The following UTRN variants were observed in gnomAD, a reference collection of about 807,000 sequenced individuals.
The protein encoded by UTRN is utrophin.
In UTRN, 283 loss-of-function variants were observed where a neutral mutation model predicts 463.9. The observed-to-expected ratio is 0.61, with a 90% CI of 0.55 to 0.67. UTRN has a LOEUF of 0.67. UTRN is among the 30% of genes least tolerant of loss of function. The pLI, the probability that UTRN is intolerant of heterozygous loss-of-function variation, is 0.00. For missense variants in UTRN, 3,922 were observed against 4,084.3 expected, an observed-to-expected ratio of 0.96 and a Z score of 1.08; for synonymous variants, 1,442 against 1,431.5, an observed-to-expected ratio of 1.01 and a Z score of -0.17.
chr6:144,718,368 G>T (rs1469594799), intron 53 of UTRN, among the ~76,000 whole-genome samples: 1 of 152,176 alleles, frequency 6.6e-6, no homozygotes, highest in African/African-American at 2.4e-5. Context: ...TACTTAAGAG[G>T]CTGAGGCAGA....
At chr6:144,638,982 G>A (rs1167659486) in intron 51 of UTRN, among the ~76,000 whole-genome samples, 1 of 152,074 alleles carries the variant, frequency 6.6e-6, no homozygotes, top group East Asian at 1.9e-4. Context: ...GGCTGAGGTG[G>A]GAGGATTGCC....
chr6:144,376,281 C>G lies in UTRN; in HGVS notation c.80-26842C>G, dbSNP rs117739799. ...ACCAGCCTGGCCAACATGGTGAAAC[C>G]TGGTGTCTACTAAAAATATAACAAT... On this transcript the variant is annotated intron_variant, in intron 2 of 74. Transcript: ENST00000367545. 7.3e-3 allele frequency among the ~76,000 whole-genome samples: 1,103 copies of G among 152,112 alleles called. 54 individuals carry two copies. The East Asian group carries it at 0.13, about 18-fold the overall frequency.
At chr6:144,751,422 C>A (rs1791380529) in intron 55 of UTRN, among the ~76,000 whole-genome samples, 1 of 152,058 alleles carries the variant, frequency 6.6e-6, no homozygotes, top group African/African-American at 2.4e-5. Context: ...TTACTGAAGA[C>A]CTGAATTAAG....
chr6:144,656,103 C>T (rs1212291169), intron 51 of UTRN, among the ~76,000 whole-genome samples: 1 of 152,064 alleles, frequency 6.6e-6, no homozygotes, highest in African/African-American at 2.4e-5. Flanking sequence ...CTAGAGATTC[C>T]TGGGTTATTC....
intron 3 of UTRN, among the ~76,000 whole-genome samples, chr6:144,405,782 C>T (rs1188745110): frequency 6.6e-6 from 1 of 152,168 alleles, no homozygotes; most frequent in African/African-American, 2.4e-5. Context: ...TTGTTAATTC[C>T]AATACCTACA....
In UTRN at chr6:144,850,918, G is replaced by T. The variant is rs368338220; in HGVS notation, c.10294-71G>T. ...AAAGAAGCACTTTTATTTTCTTGAA[G>T]AATTGACAGATCTCTGCTTCCTGTA... On this transcript the variant is annotated intron_variant, in intron 74 of 74. Transcript: ENST00000367545. The T allele has an allele frequency of 1.8e-5, 28 of 1,595,180 alleles. No individual in the cohort carries two copies. In the African/African-American group the frequency reaches 3.0e-4, roughly 17 times the overall value.
At chr6:144,793,423 G>A (rs1198890115) in intron 62 of UTRN, among the ~76,000 whole-genome samples, 1 of 151,920 alleles carries the variant, frequency 6.6e-6, no homozygotes, top group African/African-American at 2.4e-5. Flanking sequence ...CTATTCCTTT[G>A]ACAAGTCATG....
At chr6:144,488,961 A>T in intron 30 of UTRN, 127 bp downstream of exon 30, 2 of 905,002 alleles carry the variant, frequency 2.2e-6, no homozygotes, top group Non-Finnish European at 1.5e-6. Flanking sequence ...CCTTACTTAC[A>T]GGGCAGCATT....
At chr6:144,794,069 A>G in intron 63 of UTRN, 78 bp downstream of exon 63, 1 of 1,535,456 alleles carries the variant, frequency 6.5e-7, no homozygotes, top group Non-Finnish European at 8.8e-7. Context: ...GGAATAGGGA[A>G]CTCGGGCTGG....
chr6:144,447,364 C>T (rs1389001793), intron 15 of UTRN, 46 bp downstream of exon 15: 2 of 1,564,728 alleles, frequency 1.3e-6, no homozygotes, highest in South Asian at 2.3e-5. Context: ...CCTATGATAT[C>T]TTAATGTTTT....
At chr6:144,728,474 C>CTTTTTTTT in intron 53 of UTRN, among the ~76,000 whole-genome samples, 1 of 145,706 alleles carries the variant, frequency 6.9e-6, no homozygotes, top group Non-Finnish European at 1.5e-5. Flanking sequence ...TGTATATAAT[C>CTTTTTTTT]TTTTTTTTTT....
chr6:144,495,225 C>A (rs1793497423), intron 33 of UTRN, among the ~76,000 whole-genome samples: 1 of 152,190 alleles, frequency 6.6e-6, no homozygotes, highest in Non-Finnish European at 1.5e-5. Flanking sequence ...GAGGCTCCGG[C>A]CGCACAGGAG....
At chr6:144,505,432 C>T (rs559034873) in intron 34 of UTRN, among the ~76,000 whole-genome samples, 63 of 152,272 alleles carry the variant, frequency 4.1e-4, no homozygotes, top group African/African-American at 1.4e-3. Context: ...AGCTGTGTCC[C>T]AGGGATTCTG....
At chr6:144,489,847 C>T (rs1321755794) in intron 30 of UTRN, among the ~76,000 whole-genome samples, 1 of 151,162 alleles carries the variant, frequency 6.6e-6, no homozygotes, top group Non-Finnish European at 1.5e-5. Context: ...GTCTTGAACT[C>T]CTGATGTCGT....
At chr6:144,541,220 G>C (rs1797950785) in intron 45 of UTRN, among the ~76,000 whole-genome samples, 1 of 152,154 alleles carries the variant, frequency 6.6e-6, no homozygotes. Flanking sequence ...GGCTTATGAG[G>C]CTTCTCATGG....
intron 51 of UTRN, among the ~76,000 whole-genome samples, chr6:144,578,166 A>G (rs941194066): frequency 6.6e-6 from 1 of 152,084 alleles, no homozygotes; most frequent in Non-Finnish European, 1.5e-5. Flanking sequence ...TCGCACTACT[A>G]CACTTCATTC....
At chr6:144,494,190 G>A (rs1793350883) in intron 33 of UTRN, among the ~76,000 whole-genome samples, 1 of 152,178 alleles carries the variant, frequency 6.6e-6, no homozygotes, top group African/African-American at 2.4e-5. Context: ...CCCTCGTGGT[G>A]AGTGTTACAG....
chr6:144,823,507 T>C (rs1015382250), intron 66 of UTRN, among the ~76,000 whole-genome samples: 2 of 152,226 alleles, frequency 1.3e-5, no homozygotes, highest in African/African-American at 4.8e-5. Flanking sequence ...ATTAGAATTT[T>C]CTTTTGCTTC....
chr6:144,621,516 T>C (rs1019554871), intron 51 of UTRN, among the ~76,000 whole-genome samples: 2 of 152,170 alleles, frequency 1.3e-5, no homozygotes, highest in Non-Finnish European at 2.9e-5. Flanking sequence ...TGGGCTCCCA[T>C]AGCACTTATC....
Sources: gnomAD v4.1 joint callset for allele counts (sites outside exome capture counted in the v4.1 genomes callset) on GRCh38, gnomAD v4.1.1 for gene constraint, MANE v1.5 for transcripts, NCBI Gene and HGNC (gene_info 2026-07-23, HGNC 2026-07-21) for gene names.